Variants in COP1 observed in about 807,000 individuals in gnomAD.
COP1 encodes E3 ubiquitin-protein ligase COP1.
In COP1, 24 loss-of-function variants were observed where a neutral mutation model predicts 101.3. The observed-to-expected ratio is 0.24, with a 90% CI of 0.17 to 0.33. The LOEUF (loss-of-function observed/expected upper bound fraction) is 0.33. Among genes scored for constraint, COP1 ranks in the 10% least tolerant of loss-of-function variants. COP1 has a pLI of 1.00. For missense variants in COP1, 663 were observed against 906.2 expected, an observed-to-expected ratio of 0.73 and a Z score of 3.45; for synonymous variants, 347 against 341.9, an observed-to-expected ratio of 1.01 and a Z score of -0.17.
chr1:176,195,770 G>A (rs568598248), intron 1 of COP1, among the ~76,000 whole-genome samples: 3 of 152,068 alleles, frequency 2.0e-5, no homozygotes, highest in Non-Finnish European at 4.4e-5. Flanking sequence ...TATCCTAAAC[G>A]GATTAACACA....
chr1:176,201,670 A>T (rs1456478342), intron 1 of COP1, among the ~76,000 whole-genome samples: 1 of 152,202 alleles, frequency 6.6e-6, no homozygotes, highest in Non-Finnish European at 1.5e-5. Context: ...TTTCATGATC[A>T]TCTATTTTCT....
chr1:175,961,083 T>G (rs1436997534), intron 18 of COP1, among the ~76,000 whole-genome samples: 1 of 152,220 alleles, frequency 6.6e-6, no homozygotes, highest in East Asian at 1.9e-4. Flanking sequence ...CTCCAGCTTT[T>G]GGACTCTGGG....
Position 176,143,653 on chromosome 1 carries a change from G to C in COP1, c.831+5353C>G, listed in dbSNP as rs374427359. Among the ~76,000 whole-genome samples the C allele has an allele frequency of 6.6e-5, 10 of 152,092 alleles. No homozygotes were observed. In the South Asian group the frequency reaches 2.1e-3, roughly 32 times the overall value. Reference sequence around the variant, plus strand: ...GAGAATATACATAACGGCCAAGTTTGGTTTATATAAGGGGTGCAAGTAGGG... The same window carrying C: ...GAGAATATACATAACGGCCAAGTTTCGTTTATATAAGGGGTGCAAGTAGGG... On this transcript the variant is annotated intron_variant, in intron 6 of 19. Coordinates refer to ENST00000367669, the MANE Select transcript of COP1 (RefSeq NM_022457.7).
chr1:176,206,742 G>A lies in COP1; in HGVS notation c.237C>T (p.Gly79=), dbSNP rs770992056. 30 of 1,547,666 alleles carry A rather than the reference G, an allele frequency of 1.9e-5. No homozygotes were observed. Among genetic ancestry groups the A allele is most frequent in the Non-Finnish European group, 2.3e-5 (27 of 1,154,924 alleles). The change falls in exon 1 of 20, where the codon GGC becomes GGT. Residue 79 remains glycine (G), a synonymous_variant. Coordinates refer to ENST00000367669, the MANE Select transcript of COP1 (RefSeq NM_022457.7). ...GGGACAGGCCCGTGGACACCGCCCCGCCGCCGCTACCCGATACGGCGGGCG... is the reference window on the plus strand; with the variant it reads ...GGGACAGGCCCGTGGACACCGCCCCACCGCCGCTACCCGATACGGCGGGCG... The part of the protein sequence containing the change: ...LVAPAVSGSG[G]GAVSTGLSRH...
chr1:176,159,281 C>G (rs1693933786), intron 5 of COP1, among the ~76,000 whole-genome samples: 1 of 151,806 alleles, frequency 6.6e-6, no homozygotes, highest in Admixed American at 6.6e-5. Context: ...AAATAGAAAA[C>G]AAGGGTGGCC....
chr1:176,039,549 T>A (rs1670158004), intron 14 of COP1, among the ~76,000 whole-genome samples: 1 of 149,310 alleles, frequency 6.7e-6, no homozygotes, highest in Non-Finnish European at 1.5e-5. Flanking sequence ...CTCAATTCAA[T>A]CCTTACCAAA....
intron 11 of COP1, among the ~76,000 whole-genome samples, chr1:176,059,390 A>C (rs1674443296): frequency 6.6e-6 from 1 of 152,216 alleles, no homozygotes; most frequent in Non-Finnish European, 1.5e-5. Context: ...ACAAATTAAA[A>C]TCATCTTATT....
intron 18 of COP1, among the ~76,000 whole-genome samples, chr1:175,954,686 A>G (rs1419537004): frequency 6.6e-6 from 1 of 152,142 alleles, no homozygotes; most frequent in Non-Finnish European, 1.5e-5. Flanking sequence ...CAATTATGAC[A>G]GAAGAAAGAA....
intron 9 of COP1, among the ~76,000 whole-genome samples, chr1:176,089,146 C>A (rs6694586): frequency 0.01 from 1,536 of 151,802 alleles, 24 homozygotes; most frequent in African/African-American, 0.035. Flanking sequence ...ACTAAAAATA[C>A]AAAAATCAGC....
intron 15 of COP1, among the ~76,000 whole-genome samples, chr1:176,000,043 C>G (rs1438234957): frequency 6.6e-6 from 1 of 152,064 alleles, no homozygotes; most frequent in Non-Finnish European, 1.5e-5. Context: ...CAAATATTTT[C>G]TCCCATTCTG....
At chr1:176,022,094 A>C (rs931133066) in intron 15 of COP1, among the ~76,000 whole-genome samples, 1 of 152,236 alleles carries the variant, frequency 6.6e-6, no homozygotes, top group Admixed American at 6.5e-5. Context: ...AAAGCTCAGA[A>C]GACATATGTT....
At chr1:175,956,507 C>T (rs1650671161) in intron 18 of COP1, among the ~76,000 whole-genome samples, 1 of 151,856 alleles carries the variant, frequency 6.6e-6, no homozygotes, top group African/African-American at 2.4e-5. Flanking sequence ...AAAAAAAACC[C>T]TGATAAATTG....
chr1:176,148,930 C>T, intron 6 of COP1, 76 bp downstream of exon 6: 1 of 952,224 alleles, frequency 1.1e-6, no homozygotes, highest in Non-Finnish European at 1.6e-6. Context: ...ATTTTTTAGC[C>T]TGAAATGCTT....
At chr1:176,018,871 A>T (rs1376911991) in intron 15 of COP1, 1 of 151,474 alleles carries the variant, frequency 6.6e-6, no homozygotes, top group African/African-American at 2.4e-5. Flanking sequence ...AGAATTTTTA[A>T]TGCTTAATTC....
intron 10 of COP1, among the ~76,000 whole-genome samples, chr1:176,083,181 G>A (rs957778072): frequency 6.6e-6 from 1 of 152,134 alleles, no homozygotes; most frequent in African/African-American, 2.4e-5. Flanking sequence ...ATTACTGTGA[G>A]TTATTTAACA....
intron 14 of COP1, among the ~76,000 whole-genome samples, chr1:176,040,803 T>A (rs1029410912): frequency 2.2e-4 from 34 of 152,268 alleles, no homozygotes; most frequent in Middle Eastern, 6.8e-3. Flanking sequence ...CATAACATGA[T>A]GCGAAATAAA....
At chr1:175,965,279 T>C (rs1454564547) in intron 18 of COP1, among the ~76,000 whole-genome samples, 1 of 152,176 alleles carries the variant, frequency 6.6e-6, no homozygotes, top group Admixed American at 6.5e-5. Context: ...TGATGCATGA[T>C]CTATAGTTGC....
intron 12 of COP1, 105 bp downstream of exon 12, chr1:176,046,076 A>C: frequency 1.2e-6 from 1 of 821,690 alleles, no homozygotes; most frequent in Non-Finnish European, 2.0e-6. Context: ...AATAGTGTTC[A>C]CCATGAGTAA....
intron 1 of COP1, among the ~76,000 whole-genome samples, chr1:176,192,933 A>C (rs930538068): frequency 6.6e-6 from 1 of 152,180 alleles, no homozygotes; most frequent in African/African-American, 2.4e-5. Context: ...ACAGTGCTGA[A>C]TTTAAAATAT....
Sources: gnomAD v4.1 joint callset for allele counts (sites outside exome capture counted in the v4.1 genomes callset) on GRCh38, gnomAD v4.1.1 for gene constraint, MANE v1.5 for transcripts, NCBI Gene and HGNC (gene_info 2026-07-23, HGNC 2026-07-21) for gene names.